Variants in DIPK2B observed in about 807,000 individuals in gnomAD.
DIPK2B encodes the protein divergent protein kinase domain 2B, also known as UPF0672 protein CXorf36.
Under a neutral mutation model 22.2 loss-of-function variants are expected in DIPK2B, and 15 were observed. The observed-to-expected ratio is 0.68, with a 90% CI of 0.45 to 1.04. The LOEUF is 1.04. Ranked by LOEUF, DIPK2B falls within the 50% of genes least tolerant of loss-of-function variation. The pLI is 0.00. For synonymous variants in DIPK2B, 163 were observed against 153.2 expected (o/e 1.06, Z -0.47); for missense variants, 345 against 348.3 (o/e 0.99, Z 0.08).
intron 3 of DIPK2B, among the ~76,000 whole-genome samples, chrX:45,154,639 T>A (rs1163548245): frequency 9.0e-6 from 1 of 111,484 alleles, no homozygotes. Flanking sequence ...GGTATGAGAA[T>A]GTTAATGGAC....
At chrX:45,183,753 A>G (rs779870894) in intron 2 of DIPK2B, among the ~76,000 whole-genome samples, 47 of 112,167 alleles carry the variant, frequency 4.2e-4, no homozygotes, top group Non-Finnish European at 6.2e-4. Context: ...AAAAGGGGAA[A>G]CAAGATTTGG....
chrX:45,176,909 T>C (rs1037103304), intron 2 of DIPK2B, among the ~76,000 whole-genome samples: 5 of 111,608 alleles, frequency 4.5e-5, no homozygotes, highest in Admixed American at 3.8e-4. Context: ...CACCAACCCT[T>C]CTTGCCCAAA....
intron 1 of DIPK2B, among the ~76,000 whole-genome samples, chrX:45,200,132 G>A (rs1319019062): frequency 3.6e-5 from 4 of 111,575 alleles, no homozygotes; most frequent in African/African-American, 1.3e-4. Context: ...ATAGTGAAAT[G>A]GGTCCCATCA....
At chrX:45,180,425 T>C (rs1434757679) in intron 2 of DIPK2B, among the ~76,000 whole-genome samples, 1 of 111,774 alleles carries the variant, frequency 8.9e-6, no homozygotes, top group East Asian at 2.8e-4. Flanking sequence ...TCTTTTTCTC[T>C]AAAGTTTGGA....
At chrX:45,153,885 GC>G in intron 4 of DIPK2B, 24 bp downstream of exon 4, 1 of 1,191,116 alleles carries the variant, frequency 8.4e-7, no homozygotes, top group Non-Finnish European at 1.1e-6. Context: ...TCTGACAGCT[GC>G]TCAGCCAGGC....
chrX:45,171,654 TGAC>T (rs772430370), intron 2 of DIPK2B, among the ~76,000 whole-genome samples: 147 of 112,033 alleles, frequency 1.3e-3, no homozygotes, highest in Non-Finnish European at 2.5e-3. Flanking sequence ...AATCTGTCAT[TGAC>T]ATTTCCCTGT....
Position 45,200,852 on chromosome X carries a change from C to T in DIPK2B, c.-26G>A, listed in dbSNP as rs757888773. 22 of 1,118,545 alleles carry T rather than the reference C, an allele frequency of 2.0e-5. No individual in the cohort carries two copies. In the African/African-American group the frequency reaches 3.8e-4, roughly 19 times the overall value. 92.2% of individuals were successfully genotyped at this position (1,118,545 alleles called of 1,213,427 possible). ...CTTGGGCTCTGGGCTCCAGCTGCAG[C>T]CTCTGGCTGTCCACTCGAGGCTGTA... On this transcript the variant is annotated 5_prime_UTR_variant, in exon 1 of 5. Transcript: ENST00000398000.
chrX:45,173,684 T>C (rs1316764027), intron 2 of DIPK2B, among the ~76,000 whole-genome samples: 2 of 107,268 alleles, frequency 1.9e-5, no homozygotes, highest in Non-Finnish European at 3.9e-5. Context: ...ATCCTCTCCC[T>C]CAGCCTTCTC....
intron 2 of DIPK2B, among the ~76,000 whole-genome samples, chrX:45,189,457 T>C (rs2047199762): frequency 9.0e-6 from 1 of 110,820 alleles, no homozygotes; most frequent in Admixed American, 9.6e-5. Flanking sequence ...CTACTAAAAA[T>C]ACAAAAATTA....
At chrX:45,167,965 G>A (rs1480914528) in intron 2 of DIPK2B, among the ~76,000 whole-genome samples, 2 of 112,648 alleles carry the variant, frequency 1.8e-5, no homozygotes, top group African/African-American at 3.2e-5. Context: ...GATTATAGGC[G>A]TGAGCCACTG....
intron 2 of DIPK2B, among the ~76,000 whole-genome samples, chrX:45,182,958 T>C (rs1373672578): frequency 9.0e-6 from 1 of 111,579 alleles, no homozygotes; most frequent in Non-Finnish European, 1.9e-5. Flanking sequence ...TAGAATGTGG[T>C]CTTTTTTGGG....
intron 2 of DIPK2B, among the ~76,000 whole-genome samples, chrX:45,183,957 G>A (rs1603112651): frequency 8.9e-6 from 1 of 111,787 alleles, no homozygotes; most frequent in Non-Finnish European, 1.9e-5. Flanking sequence ...GTGATACGGG[G>A]TATGATAAGT....
At chrX:45,156,858 T>G (rs764266162) in intron 3 of DIPK2B, among the ~76,000 whole-genome samples, 26 of 111,221 alleles carry the variant, frequency 2.3e-4, no homozygotes, top group Middle Eastern at 4.6e-3. Flanking sequence ...TTGCTGTGGC[T>G]TCTTCCTCCT....
At position 45,151,907 on chromosome X, in the gene DIPK2B, G is replaced by A. The variant is rs1230746458; in HGVS notation, c.1047C>T (p.Cys349=). The A allele has an allele frequency of 7.5e-6, 9 of 1,207,234 alleles. No individual in the cohort carries two copies. Among genetic ancestry groups the A allele is most frequent in the South Asian group, 7.1e-5 (4 of 56,229 alleles). The change falls in exon 5 of 5, where the codon TGC becomes TGT. Residue 349 remains cysteine (C), a synonymous_variant. Coordinates refer to ENST00000398000, the MANE Select transcript of DIPK2B (RefSeq NM_176819.4). ...GGCTCTGCTTCTCAGAGATGCTTTC[G>A]CAGGAGGGCAGCTGGGCCTGGCAGC... The part of the protein sequence containing the change: ...VSGCQAQLPS[C]ESISEKQSLV...
intron 2 of DIPK2B, among the ~76,000 whole-genome samples, chrX:45,174,075 C>T (rs1001507773): frequency 2.7e-5 from 3 of 111,241 alleles, no homozygotes; most frequent in South Asian, 3.8e-4. Flanking sequence ...AGAGAGAGGC[C>T]GCAAAGCCCG....
At chrX:45,185,662 T>C (rs1329330139) in intron 2 of DIPK2B, among the ~76,000 whole-genome samples, 2 of 102,178 alleles carry the variant, frequency 2.0e-5, no homozygotes, top group Non-Finnish European at 4.0e-5. Flanking sequence ...TCTTTTTTTT[T>C]TTTTTTTTGA....
In DIPK2B at chrX:45,148,947, G is replaced by A. The variant is rs1178605074; in HGVS notation, c.*2705C>T. On this transcript the variant is annotated 3_prime_UTR_variant, in exon 5 of 5. Coordinates refer to ENST00000398000, the MANE Select transcript of DIPK2B (RefSeq NM_176819.4). ...GGTGGGTCCCAAGTCTGCATTTCCT[G>A]TCTGGACTCAGCATCACCAAGGGTT... 1 of 111,947 alleles carries A rather than the reference G, an allele frequency of 8.9e-6. No individual in the cohort carries two copies. Among genetic ancestry groups the A allele is most frequent in the Non-Finnish European group, 1.9e-5 (1 of 53,212 alleles). The allele number at this position is 111,947 out of a possible 1,213,427, so 9.2% of individuals were successfully genotyped here. A position where few individuals can be genotyped will look rare whatever the true frequency, so the allele number is the denominator to read the frequency against.
chrX:45,148,826 C>T lies in DIPK2B; in HGVS notation c.*2826G>A, dbSNP rs2046946094. On this transcript the variant is annotated 3_prime_UTR_variant, in exon 5 of 5. Coordinates refer to ENST00000398000, the MANE Select transcript of DIPK2B (RefSeq NM_176819.4). The stretch of plus-strand genomic sequence containing the variant: ...TGTAATTTATACTAAAAACCAATCT[C>T]CCTACAGCTCCTCGGGGGACAGCTC... 1 of 111,505 alleles carries T rather than the reference C, an allele frequency of 9.0e-6. No individual in the cohort carries two copies. The highest frequency in any genetic ancestry group is 2.8e-4 in the East Asian group (1 of 3,550). The allele number at this position is 111,505 out of a possible 1,213,427, so 9.2% of individuals were successfully genotyped here.
rs1254693084 is a variant in DIPK2B at position 45,160,085 on chromosome X, C to G, written c.499-2197G>C. 1.1e-4 allele frequency among the ~76,000 whole-genome samples: 12 copies of G among 110,504 alleles called. No individual in the cohort carries two copies. The East Asian group carries it at 3.4e-3, about 32-fold the overall frequency. On this transcript the variant is annotated intron_variant, in intron 2 of 4. Coordinates refer to ENST00000398000, the MANE Select transcript of DIPK2B (RefSeq NM_176819.4). Reference sequence around the variant, plus strand: ...TAAGGAGTGAGTTTTCATCCTTCCTCTTCGCCTTCTGCCATGATTGTAAGT... The same window carrying G: ...TAAGGAGTGAGTTTTCATCCTTCCTGTTCGCCTTCTGCCATGATTGTAAGT...
Sources: allele counts gnomAD v4.1 joint callset (sites outside exome capture counted in the v4.1 genomes callset), GRCh38; gene constraint gnomAD v4.1.1; transcripts MANE v1.5; gene names NCBI Gene and HGNC (gene_info 2026-07-23, HGNC 2026-07-21).